CPNE4: variants seen among roughly 807,000 people sequenced by gnomAD.
The protein encoded by CPNE4 is copine 4, also known as copine-4.
A neutral mutation model predicts 67.9 loss-of-function variants in CPNE4; 25 were observed. The ratio of observed to expected loss-of-function variants is 0.37; its 90% CI spans 0.27 to 0.51. CPNE4 has a LOEUF of 0.51. Ranked by LOEUF, CPNE4 falls within the 20% of genes least tolerant of loss-of-function variation. The pLI, the probability that CPNE4 is intolerant of heterozygous loss-of-function variation, is 0.93. For synonymous variants in CPNE4, 242 were observed against 244.9 expected, an observed-to-expected ratio of 0.99 and a Z score of 0.11; for missense variants, 464 against 690.8, an observed-to-expected ratio of 0.67 and a Z score of 3.68.
chr3:131,616,673 C>T (rs1016597155), intron 7 of CPNE4, among the ~76,000 whole-genome samples: 1 of 152,150 alleles, frequency 6.6e-6, no homozygotes, highest in Non-Finnish European at 1.5e-5. Flanking sequence ...TATAGTATTT[C>T]TCTCCTCCTC....
intron 2 of CPNE4, among the ~76,000 whole-genome samples, chr3:131,769,607 G>A (rs948634494): frequency 6.6e-6 from 1 of 152,146 alleles, no homozygotes; most frequent in Non-Finnish European, 1.5e-5. Context: ...AAGTGGTGAT[G>A]GAACAACTAA....
At chr3:131,720,516 C>T (rs1195570077) in intron 3 of CPNE4, among the ~76,000 whole-genome samples, 1 of 152,104 alleles carries the variant, frequency 6.6e-6, no homozygotes. Flanking sequence ...GATCTCCTGA[C>T]CTTGTGATCC....
chr3:131,627,483 G>T (rs2079109424), intron 7 of CPNE4, among the ~76,000 whole-genome samples: 1 of 151,632 alleles, frequency 6.6e-6, no homozygotes, highest in Non-Finnish European at 1.5e-5. Flanking sequence ...CATCCATTCT[G>T]CAGCCCATGG....
rs58195413 is a variant in CPNE4 at position 131,671,459 on chromosome 3, ATGTGTGTG to A, written c.592-1703_592-1696del. 5.1e-3 allele frequency among the ~76,000 whole-genome samples: 676 copies of A among 131,336 alleles called. 3 individuals carry two copies. Among genetic ancestry groups the A allele is most frequent in the African/African-American group, 9.9e-3 (370 of 37,350 alleles). The allele number at this position is 131,336 out of a possible 152,430, so 86.2% of individuals were successfully genotyped here. On this transcript the variant is annotated intron_variant, in intron 6 of 15. Transcript: ENST00000429747. ...TGTGTATGTATGTATGAGTGTACAC[ATGTGTGTG>A]TGTGTGTGTGTGTGTGTGTGTACGT...
chr3:131,628,473 T>C (rs1184922627), intron 7 of CPNE4, among the ~76,000 whole-genome samples: 1 of 152,300 alleles, frequency 6.6e-6, no homozygotes, highest in East Asian at 1.9e-4. Flanking sequence ...GAAGGAATGG[T>C]ACCAGCTCCT....
chr3:131,604,882 A>G (rs1300699031), intron 7 of CPNE4, among the ~76,000 whole-genome samples: 1 of 151,980 alleles, frequency 6.6e-6, no homozygotes, highest in African/African-American at 2.4e-5. Flanking sequence ...CAACTCCCCA[A>G]TTTTCTTGTA....
intron 15 of CPNE4, chr3:131,537,563 G>C (rs768352776): frequency 3.6e-5 from 9 of 249,966 alleles, no homozygotes; most frequent in Non-Finnish European, 7.0e-5. Flanking sequence ...GATTACAGGC[G>C]TGAGCCACCG....
At chr3:131,926,460 T>C (rs1316281082) in intron 1 of CPNE4, among the ~76,000 whole-genome samples, 2 of 151,730 alleles carry the variant, frequency 1.3e-5, no homozygotes, top group African/African-American at 2.4e-5. Flanking sequence ...ACGAAAACAA[T>C]TATAATGAAA....
intron 7 of CPNE4, among the ~76,000 whole-genome samples, chr3:131,598,139 T>C (rs1403221398): frequency 6.6e-6 from 1 of 152,204 alleles, no homozygotes; most frequent in African/African-American, 2.4e-5. Context: ...CTTTAGGGAT[T>C]GTAGAGGTTG....
At chr3:131,560,070 T>G (rs1452609204) in intron 11 of CPNE4, among the ~76,000 whole-genome samples, 1 of 152,068 alleles carries the variant, frequency 6.6e-6, no homozygotes, top group Non-Finnish European at 1.5e-5. Context: ...ACACAATAGT[T>G]CTGTCTCCCT....
intron 1 of CPNE4, among the ~76,000 whole-genome samples, chr3:131,957,147 C>T (rs551319786): frequency 2.6e-5 from 4 of 152,276 alleles, no homozygotes; most frequent in South Asian, 2.1e-4. Context: ...AAACTGCTGA[C>T]GTCTATTCTG....
chr3:131,585,724 T>A (rs1938136891), intron 8 of CPNE4, among the ~76,000 whole-genome samples: 1 of 152,214 alleles, frequency 6.6e-6, no homozygotes, highest in African/African-American at 2.4e-5. Flanking sequence ...TATCATTGAT[T>A]TAGCAGCTAA....
intron 6 of CPNE4, among the ~76,000 whole-genome samples, chr3:131,681,479 T>C (rs574075442): frequency 6.6e-6 from 1 of 152,358 alleles, no homozygotes; most frequent in Non-Finnish European, 1.5e-5. Context: ...AGGTTTCTAC[T>C]GAGAATTCTG....
At chr3:131,918,997 A>G (rs1445373849) in intron 1 of CPNE4, among the ~76,000 whole-genome samples, 1 of 152,146 alleles carries the variant, frequency 6.6e-6, no homozygotes, top group Non-Finnish European at 1.5e-5. Flanking sequence ...AATGCCCAGG[A>G]AACAGTGCAG....
intron 2 of CPNE4, 103 bp downstream of exon 2, chr3:131,905,161 T>C: frequency 2.0e-6 from 2 of 1,018,184 alleles, no homozygotes; most frequent in South Asian, 3.3e-5. Flanking sequence ...CTTCTCAAAT[T>C]TCTTATTTCA....
chr3:131,574,766 G>C (rs10512812), intron 10 of CPNE4, among the ~76,000 whole-genome samples: 18,409 of 152,034 alleles, frequency 0.12, 1,549 homozygotes, highest in African/African-American at 0.24. Context: ...AATCTGACAG[G>C]CTACTCTGCT....
chr3:131,671,096 G>T (rs2080401625), intron 6 of CPNE4, among the ~76,000 whole-genome samples: 1 of 152,098 alleles, frequency 6.6e-6, no homozygotes, highest in Admixed American at 6.6e-5. Flanking sequence ...CCTAGAATTT[G>T]TTTTTTAATT....
In CPNE4 at chr3:131,878,718, G is replaced by C. The variant is rs140399471; in HGVS notation, c.180+26546C>G. Among the ~76,000 whole-genome samples, 424 of 152,246 alleles carry C rather than the reference G, an allele frequency of 2.8e-3. 2 individuals are homozygous for C. The highest frequency in any genetic ancestry group is 9.7e-3 in the African/African-American group (401 of 41,536). On this transcript the variant is annotated intron_variant, in intron 2 of 15. Transcript: ENST00000429747. ...AATAACAAGAAGACATTCTTAACCCGTTTGCTATAAGGAAATAAGATATTC... is the reference window on the plus strand; with the variant it reads ...AATAACAAGAAGACATTCTTAACCCCTTTGCTATAAGGAAATAAGATATTC...
intron 7 of CPNE4, among the ~76,000 whole-genome samples, chr3:131,662,670 C>T (rs2080156933): frequency 6.6e-6 from 1 of 152,172 alleles, no homozygotes. Flanking sequence ...ACAGGCACTT[C>T]TCCAAAGAAG....
Sources: gnomAD v4.1 joint callset for allele counts (sites outside exome capture counted in the v4.1 genomes callset) on GRCh38, gnomAD v4.1.1 for gene constraint, MANE v1.5 for transcripts, NCBI Gene and HGNC (gene_info 2026-07-23, HGNC 2026-07-21) for gene names.